The following DYNC2LI1 variants were observed in gnomAD, a reference collection of about 807,000 sequenced individuals.
The protein encoded by DYNC2LI1 is dynein cytoplasmic 2 light intermediate chain 1.
In DYNC2LI1, 45 loss-of-function variants were observed where a neutral mutation model predicts 51.9. That is an observed-to-expected ratio of 0.87 (90% CI 0.68 to 1.11). DYNC2LI1 has a LOEUF of 1.11. Ranked by LOEUF, DYNC2LI1 falls within the 50% of genes most tolerant of loss-of-function variation. The probability of loss-of-function intolerance (pLI) is 0.00; values close to 1 mark genes in which losing one functional copy is unlikely to be tolerated. For synonymous variants in DYNC2LI1, 130 were observed against 137.8 expected (o/e 0.94, Z 0.40); for missense variants, 490 against 417.4 (o/e 1.17, Z -1.51).
chr2:43,805,262 T>A lies in DYNC2LI1; in HGVS notation c.993+16T>A. ...GAAGGATCTGGTATTATCCTAAACA[T>A]TTACTTAATTTCATCTGAAATTTTA... On this transcript the variant is annotated intron_variant, in intron 12 of 12. Transcript: ENST00000260605. The A allele has an allele frequency of 6.6e-7, 1 of 1,520,394 alleles. No homozygotes were observed. Among genetic ancestry groups the A allele is most frequent in the Non-Finnish European group, 9.1e-7 (1 of 1,103,842 alleles). 94.2% of individuals were successfully genotyped at this position (1,520,394 alleles called of 1,614,324 possible).
intron 8 of DYNC2LI1, 124 bp downstream of exon 8, chr2:43,796,919 C>A (rs1665882311): frequency 1.4e-6 from 1 of 719,666 alleles, no homozygotes; most frequent in East Asian, 2.6e-5. Flanking sequence ...GTTGCTTTCC[C>A]ACTGCTGAAG....
chr2:43,816,854 A>T, the DYNC2LI1 span, among the ~76,000 whole-genome samples: 8 of 152,250 alleles, frequency 5.3e-5, no homozygotes, highest in African/African-American at 1.9e-4. Flanking sequence ...TACTTCAGGT[A>T]ACTTTTACTT....
chr2:43,810,936 T>G (rs1233398852), downstream of DYNC2LI1, among the ~76,000 whole-genome samples: 2 of 152,214 alleles, frequency 1.3e-5, no homozygotes, highest in Non-Finnish European at 2.9e-5. Context: ...TCACTGTCCA[T>G]TTTTGACTTG....
chr2:43,781,404 A>T (rs2104665719), intron 2 of DYNC2LI1, among the ~76,000 whole-genome samples: 1 of 152,018 alleles, frequency 6.6e-6, no homozygotes, highest in East Asian at 1.9e-4. Flanking sequence ...GAGTGATTTA[A>T]ATCAATGAAT....
chr2:43,776,824 G>T lies in DYNC2LI1; in HGVS notation c.51G>T (p.Arg17Ser), dbSNP rs748311570. The T allele has an allele frequency of 5.6e-6, 9 of 1,599,682 alleles. No individual in the cohort carries two copies. The highest frequency in any genetic ancestry group is 3.4e-5 in the Admixed American group (2 of 58,072). ...WEIAKAEVEK[R>S]GINGSEGDGA... ...TTGCAAAAGCTGAAGTGGAAAAAAG[G>T]GGAATTAATGGAAGTGAAGGTGATG... The change falls in exon 2 of 13, where the codon AGG (arginine) becomes AGT (serine). Residue 17 changes from arginine to serine, a missense_variant. Transcript: ENST00000260605.
the DYNC2LI1 span, chr2:43,822,400 G>T: frequency 8.6e-6 from 4 of 465,148 alleles, no homozygotes; most frequent in Non-Finnish European, 8.4e-6. Flanking sequence ...CTCCTCTGTT[G>T]GTTGCTGTCC....
At chr2:43,792,327 TAAACA>T (rs992615811) in intron 5 of DYNC2LI1, among the ~76,000 whole-genome samples, 4 of 152,274 alleles carry the variant, frequency 2.6e-5, no homozygotes, top group Middle Eastern at 3.4e-3. Context: ...TTACTTGAAC[TAAACA>T]AAATAATTAA....
At chr2:43,827,413 C>T in the DYNC2LI1 span, among the ~76,000 whole-genome samples, 42 of 152,084 alleles carry the variant, frequency 2.8e-4, no homozygotes, top group African/African-American at 9.4e-4. Context: ...AAGAACAGGC[C>T]GTCCTGGTCT....
At chr2:43,794,241 C>T in intron 5 of DYNC2LI1, 2 of 428,056 alleles carry the variant, frequency 4.7e-6, no homozygotes, top group South Asian at 1.2e-4. Flanking sequence ...AAACTTAGTT[C>T]CACTATTGTA....
rs115812753 is a variant in DYNC2LI1, at chr2:43,805,485, T to G, written c.993+239T>G. ...CACCTGTCATCCCACCACCCAGACA[T>G]GACTTAGTGTTCACATAAACCTTTT... On this transcript the variant is annotated intron_variant, in intron 12 of 12. Coordinates refer to ENST00000260605, the MANE Select transcript of DYNC2LI1 (RefSeq NM_016008.4). The G allele has an allele frequency of 4.7e-3, 1,130 of 242,896 alleles. 14 individuals carry two copies. The highest frequency in any genetic ancestry group is 0.024 in the African/African-American group (1,052 of 44,416). The allele number at this position is 242,896 out of a possible 1,614,324, so 15.0% of individuals were successfully genotyped here.
chr2:43,799,115 C>A (rs1211097875), intron 8 of DYNC2LI1, among the ~76,000 whole-genome samples: 3 of 152,078 alleles, frequency 2.0e-5, no homozygotes, highest in African/African-American at 2.4e-5. Flanking sequence ...GCCTGGGCAA[C>A]AAAATGAGAC....
At chr2:43,785,329 A>T (rs1391488319) in intron 3 of DYNC2LI1, among the ~76,000 whole-genome samples, 6 of 152,130 alleles carry the variant, frequency 3.9e-5, no homozygotes, top group Non-Finnish European at 8.8e-5. Context: ...TAAAATAAAG[A>T]TATGTAGCAA....
chr2:43,797,071 T>G (rs1377898063), intron 8 of DYNC2LI1, among the ~76,000 whole-genome samples: 1 of 152,200 alleles, frequency 6.6e-6, no homozygotes, highest in Non-Finnish European at 1.5e-5. Context: ...GATGATCTAT[T>G]TATTCATTTT....
chr2:43,811,088 G>T (rs1048990988), downstream of DYNC2LI1, among the ~76,000 whole-genome samples: 3 of 152,136 alleles, frequency 2.0e-5, no homozygotes, highest in Admixed American at 1.3e-4. Flanking sequence ...ATGAATAGTA[G>T]AAAATGTTTC....
the DYNC2LI1 span, chr2:43,822,478 G>C: frequency 0.66 from 290,694 of 441,094 alleles, 103,258 homozygotes; most frequent in East Asian, 0.95. Flanking sequence ...CCTCCCCCAG[G>C]CCCCCCCCCA....
chr2:43,803,724 T>C lies in DYNC2LI1; in HGVS notation c.803-918T>C, dbSNP rs1226594464. Among the ~76,000 whole-genome samples the C allele has an allele frequency of 7.2e-5, 11 of 152,300 alleles. 1 individual carries two copies. In the South Asian group the frequency reaches 2.1e-3, roughly 29 times the overall value. Reference sequence around the variant, plus strand: ...GAATACAAGTAAAACTTGGCAAAGCTGAATAACATCAGTGGAGCGTATCAA... The same window carrying C: ...GAATACAAGTAAAACTTGGCAAAGCCGAATAACATCAGTGGAGCGTATCAA... On this transcript the variant is annotated intron_variant, in intron 10 of 12. Transcript: ENST00000260605.
chr2:43,809,351 C>T (rs1009993936), intron 12 of DYNC2LI1, among the ~76,000 whole-genome samples: 4 of 152,094 alleles, frequency 2.6e-5, no homozygotes, highest in Admixed American at 2.0e-4. Flanking sequence ...TAGAGCTGAA[C>T]AGCAAACAAT....
chr2:43,776,018 T>A (rs1192540016), intron 1 of DYNC2LI1, among the ~76,000 whole-genome samples: 4 of 151,818 alleles, frequency 2.6e-5, no homozygotes, highest in Non-Finnish European at 5.9e-5. Flanking sequence ...GCCAATTTTT[T>A]TTGTTTGTTT....
At chr2:43,799,250 T>C (rs907461155) in intron 8 of DYNC2LI1, among the ~76,000 whole-genome samples, 1 of 152,026 alleles carries the variant, frequency 6.6e-6, no homozygotes, top group Admixed American at 6.6e-5. Flanking sequence ...TGCAGTGAGT[T>C]ATGATCACAC....
Sources: gnomAD v4.1 joint callset for allele counts (sites outside exome capture counted in the v4.1 genomes callset) on GRCh38, gnomAD v4.1.1 for gene constraint, MANE v1.5 for transcripts, NCBI Gene and HGNC (gene_info 2026-07-23, HGNC 2026-07-21) for gene names.